DGCR2: variants seen among roughly 807,000 people sequenced by gnomAD.
DGCR2 encodes the protein integral membrane protein DGCR2/IDD.
Under a neutral mutation model 51.6 loss-of-function variants are expected in DGCR2, and 24 were observed. The observed-to-expected ratio is 0.47, with a 90% CI of 0.34 to 0.65. DGCR2 has a LOEUF of 0.65. DGCR2 is among the 30% of genes least tolerant of loss of function. DGCR2 has a pLI of 0.01. For synonymous variants in DGCR2, 340 were observed against 315.4 expected (o/e 1.08, Z -0.82); for missense variants, 765 against 772.1 (o/e 0.99, Z 0.11).
intron 1 of DGCR2, among the ~76,000 whole-genome samples, chr22:19,090,812 A>AG (rs2083069984): frequency 1.8e-5 from 1 of 54,918 alleles, no homozygotes. Context: ...CAAAAGAAGG[A>AG]AAAAAAAAAG....
intron 1 of DGCR2, among the ~76,000 whole-genome samples, chr22:19,107,490 T>C (rs2083271487): frequency 6.6e-6 from 1 of 152,210 alleles, no homozygotes; most frequent in Non-Finnish European, 1.5e-5. Flanking sequence ...CATCTATCTG[T>C]AGATGCTGTC....
intron 1 of DGCR2, among the ~76,000 whole-genome samples, chr22:19,114,269 T>C (rs1191998339): frequency 6.6e-6 from 1 of 152,170 alleles, no homozygotes; most frequent in Non-Finnish European, 1.5e-5. Context: ...ATTCTATGTA[T>C]GAATGTTAGC....
At chr22:19,114,592 G>A (rs1480385102) in intron 1 of DGCR2, among the ~76,000 whole-genome samples, 2 of 152,222 alleles carry the variant, frequency 1.3e-5, no homozygotes, top group Non-Finnish European at 2.9e-5. Context: ...GCAGCCAGTG[G>A]CACCGGAGAG....
At chr22:19,071,545 T>G (rs1474069628) in intron 2 of DGCR2, among the ~76,000 whole-genome samples, 1 of 152,012 alleles carries the variant, frequency 6.6e-6, no homozygotes, top group Non-Finnish European at 1.5e-5. Flanking sequence ...TTGAACGCCA[T>G]TCTACAGAAC....
chr22:19,058,838 C>T (rs1434906574), intron 5 of DGCR2, among the ~76,000 whole-genome samples: 3 of 152,204 alleles, frequency 2.0e-5, no homozygotes, highest in African/African-American at 2.4e-5. Context: ...AAACAGGGTT[C>T]GTGTGGCACT....
At chr22:19,097,505 T>C (rs1175054228) in intron 1 of DGCR2, among the ~76,000 whole-genome samples, 1 of 152,086 alleles carries the variant, frequency 6.6e-6, no homozygotes, top group Non-Finnish European at 1.5e-5. Context: ...TAAGCTGAGA[T>C]TGCACCACTG....
chr22:19,064,871 G>T lies in DGCR2; in HGVS notation c.525C>A (p.Ser175Arg), dbSNP rs1431958158. Residue 175 changes from serine to arginine, a missense_variant, in exon 4 of 10, where the codon AGC becomes AGA. Physicochemically the swap from Ser to Arg is moderately radical, Grantham distance 110. This residue lies in a region of DGCR2 where 370 missense variants were observed against 325.5 expected (regional missense o/e 1.14). Transcript: ENST00000263196. ...LAQEWDQPER[S>R]FGWKDQRKLW... ...ACTTGCGCTGGTCCTTCCAACCAAAGCTCCGCTCGGGCTGGTCCCATTCCT... is the reference window on the plus strand; with the variant it reads ...ACTTGCGCTGGTCCTTCCAACCAAATCTCCGCTCGGGCTGGTCCCATTCCT... 4.3e-6 allele frequency: 7 copies of T among 1,613,796 alleles called. No homozygotes were observed. Among genetic ancestry groups the T allele is most frequent in the Non-Finnish European group, 5.9e-6 (7 of 1,179,972 alleles).
intron 2 of DGCR2, 137 bp downstream of exon 2, chr22:19,089,231 G>T: frequency 1.0e-6 from 1 of 988,990 alleles, no homozygotes; most frequent in Non-Finnish European, 1.4e-6. Context: ...AAGACAGAGA[G>T]AGAGGAAGGG....
chr22:19,106,065 TG>T (rs2083258656), intron 1 of DGCR2, among the ~76,000 whole-genome samples: 1 of 152,014 alleles, frequency 6.6e-6, no homozygotes. Context: ...GAGACTGGCT[TG>T]GAAAGACGCC....
In DGCR2 at chr22:19,089,488, G is replaced by A. The variant is rs2146013076; in HGVS notation, c.82C>T (p.Leu28=). The part of the protein sequence containing the change: ...LTVTEPLRPE[L]RCNPGQFACR... ...GCAAACTGCCCAGGGTTGCACCGCA[G>A]CTCTGTGGGACCAAAGGGTGAGAGG... The change falls in exon 2 of 10, where the codon CTG becomes TTG. Residue 28 remains leucine, a splice_region_variant and synonymous_variant. Coordinates refer to ENST00000263196, the MANE Select transcript of DGCR2 (RefSeq NM_005137.3). 6.4e-7 allele frequency: 1 copy of A among 1,573,788 alleles called. No homozygotes were observed. Among genetic ancestry groups the A allele is most frequent in the Non-Finnish European group, 8.7e-7 (1 of 1,155,900 alleles).
chr22:19,052,415 C>CACACAA (rs1491386530), intron 6 of DGCR2, among the ~76,000 whole-genome samples: 2 of 31,100 alleles, frequency 6.4e-5, no homozygotes, highest in Admixed American at 3.0e-4. Context: ...GACTCTGTCT[C>CACACAA]ACACACACAC....
intron 2 of DGCR2, among the ~76,000 whole-genome samples, chr22:19,075,446 C>CAA (rs35578082): frequency 2.1e-4 from 28 of 136,234 alleles, no homozygotes; most frequent in East Asian, 1.7e-3. Flanking sequence ...GACTCTGTCT[C>CAA]AAAAAAAAAA....
intron 2 of DGCR2, among the ~76,000 whole-genome samples, chr22:19,081,861 T>C (rs1345347559): frequency 1.3e-5 from 2 of 152,246 alleles, no homozygotes; most frequent in African/African-American, 2.4e-5. Context: ...TCTCACTGTA[T>C]GTAGTCTTAG....
intron 1 of DGCR2, among the ~76,000 whole-genome samples, chr22:19,102,302 T>C (rs886476148): frequency 6.6e-6 from 1 of 152,204 alleles, no homozygotes; most frequent in Non-Finnish European, 1.5e-5. Context: ...CTAATGGGTA[T>C]AGTTTCTGTT....
chr22:19,065,050 G>A lies in DGCR2; in HGVS notation c.346C>T (p.Pro116Ser). 1 of 1,613,880 alleles carries A rather than the reference G, an allele frequency of 6.2e-7. No homozygotes were observed. Among genetic ancestry groups the A allele is most frequent in the Non-Finnish European group, 8.5e-7 (1 of 1,179,998 alleles). ...CCTTCGTAGTGGTGCCACCCTGTCG[G>A]GCACTTCCCTAGGAAACATAAAGGA... is the stretch of plus-strand genomic sequence containing the variant. The part of the protein sequence containing the change: ...VRFSSFLGKC[P>S]TGWHHYEGTA... The change falls in exon 4 of 10, where the codon CCG becomes TCG. Residue 116 changes from proline (P) to serine (S), a missense_variant. Pro to Ser is a moderately conservative substitution (Grantham distance 74, BLOSUM62 -1). Coordinates refer to ENST00000263196, the MANE Select transcript of DGCR2 (RefSeq NM_005137.3).
chr22:19,062,922 C>T (rs1199478437), intron 5 of DGCR2, among the ~76,000 whole-genome samples: 5 of 152,002 alleles, frequency 3.3e-5, no homozygotes, highest in Non-Finnish European at 7.4e-5. Context: ...TTTTATACTC[C>T]AAGGTCTTTA....
At chr22:19,096,985 T>C (rs1412081755) in intron 1 of DGCR2, among the ~76,000 whole-genome samples, 1 of 151,890 alleles carries the variant, frequency 6.6e-6, no homozygotes, top group Non-Finnish European at 1.5e-5. Flanking sequence ...TATCATACCC[T>C]AGGCCCAGAA....
chr22:19,051,032 T>C (rs1426117649), intron 6 of DGCR2, among the ~76,000 whole-genome samples: 3 of 151,590 alleles, frequency 2.0e-5, no homozygotes, highest in Non-Finnish European at 4.4e-5. Flanking sequence ...CTACTAAAAA[T>C]AGAAAAATTA....
intron 6 of DGCR2, among the ~76,000 whole-genome samples, chr22:19,049,840 A>G (rs2082530419): frequency 6.6e-6 from 1 of 152,020 alleles, no homozygotes; most frequent in African/African-American, 2.4e-5. Context: ...AAAAAAAAAA[A>G]AAAAAGATTG....
Sources: allele counts gnomAD v4.1 joint callset (sites outside exome capture counted in the v4.1 genomes callset), GRCh38; gene constraint gnomAD v4.1.1; regional missense constraint gnomAD v4.1.1; transcripts MANE v1.5; gene names NCBI Gene and HGNC (gene_info 2026-07-23, HGNC 2026-07-21).